The following RYR2 variants were observed in gnomAD, a reference collection of about 807,000 sequenced individuals.
The protein encoded by RYR2 is cardiac muscle ryanodine receptor-calcium release channel.
Under a neutral mutation model 601.1 loss-of-function variants are expected in RYR2, and 227 were observed. The ratio of observed to expected loss-of-function variants is 0.38; its 90% CI spans 0.34 to 0.42. The LOEUF (loss-of-function observed/expected upper bound fraction) is 0.42, where lower values mean the gene tolerates loss of function less well. Ranked by LOEUF, RYR2 falls within the 10% of genes least tolerant of loss-of-function variation. RYR2 has a pLI of 1.00. For missense variants in RYR2, 4,646 were observed against 6,156.5 expected (o/e 0.75, Z 8.21); for synonymous variants, 2,223 against 2,175.1 (o/e 1.02, Z -0.61).
intron 99 of RYR2, among the ~76,000 whole-genome samples, chr1:237,807,513 G>A (rs557125697): frequency 1.3e-3 from 191 of 152,160 alleles, no homozygotes; most frequent in African/African-American, 4.2e-3. Context: ...CACCATGCCC[G>A]GCTAATTTTT....
intron 25 of RYR2, among the ~76,000 whole-genome samples, chr1:237,541,589 G>T (rs1017457976): frequency 6.6e-6 from 1 of 152,024 alleles, no homozygotes; most frequent in African/African-American, 2.4e-5. Context: ...ATGCGCGTCC[G>T]TGTGAAGAGA....
At chr1:237,567,790 A>C (rs1476908048) in intron 28 of RYR2, among the ~76,000 whole-genome samples, 1 of 152,088 alleles carries the variant, frequency 6.6e-6, no homozygotes, top group African/African-American at 2.4e-5. Context: ...AATTAGAATA[A>C]ATAAGCAATC....
chr1:237,746,756 C>T (rs1425349971), intron 80 of RYR2, among the ~76,000 whole-genome samples: 3 of 151,412 alleles, frequency 2.0e-5, no homozygotes, highest in South Asian at 2.1e-4. Context: ...ATAAAGAGGC[C>T]GATGTTAATT....
At chr1:237,669,716 C>T (rs1684716530) in intron 58 of RYR2, among the ~76,000 whole-genome samples, 1 of 151,670 alleles carries the variant, frequency 6.6e-6, no homozygotes. Flanking sequence ...ACGCTCCTCA[C>T]TTCCTAGATG....
intron 29 of RYR2, among the ~76,000 whole-genome samples, chr1:237,581,088 A>G (rs1274198888): frequency 6.6e-6 from 1 of 152,350 alleles, no homozygotes; most frequent in Non-Finnish European, 1.5e-5. Flanking sequence ...GAACAGCCTT[A>G]TATTATCAGT....
At chr1:237,392,156 G>A (rs1418614494) in intron 10 of RYR2, among the ~76,000 whole-genome samples, 1 of 152,128 alleles carries the variant, frequency 6.6e-6, no homozygotes, top group African/African-American at 2.4e-5. Flanking sequence ...CAATTAGTGA[G>A]ATAGAATGAG....
At chr1:237,802,362 G>GA in intron 98 of RYR2, 1 of 152,068 alleles carries the variant, frequency 6.6e-6, no homozygotes, top group East Asian at 1.9e-4. Flanking sequence ...ATATAGGGCC[G>GA]TAATATATAT....
chr1:237,270,196 A>G, intron 1 of RYR2: 1 of 471,964 alleles, frequency 2.1e-6, no homozygotes, highest in South Asian at 1.7e-5. Context: ...AAAATCCTGT[A>G]TTTTACTTTT....
At chr1:237,139,072 CT>C (rs1421301466) in intron 1 of RYR2, among the ~76,000 whole-genome samples, 1 of 152,178 alleles carries the variant, frequency 6.6e-6, no homozygotes, top group Non-Finnish European at 1.5e-5. Context: ...CACACAAAAA[CT>C]TGCTCATGAA....
At chr1:237,197,470 T>A (rs1036418577) in intron 1 of RYR2, among the ~76,000 whole-genome samples, 1 of 152,240 alleles carries the variant, frequency 6.6e-6, no homozygotes, top group Non-Finnish European at 1.5e-5. Context: ...TGTAATCATG[T>A]AATATTCAGA....
At chr1:237,620,231 A>C (rs1387673434) in intron 38 of RYR2, among the ~76,000 whole-genome samples, 1 of 152,162 alleles carries the variant, frequency 6.6e-6, no homozygotes, top group African/African-American at 2.4e-5. Context: ...ACTGAAGTCT[A>C]CTGGTGTTGA....
chr1:237,671,553 G>A (rs897851279), intron 58 of RYR2, among the ~76,000 whole-genome samples: 1 of 151,800 alleles, frequency 6.6e-6, no homozygotes, highest in Non-Finnish European at 1.5e-5. Flanking sequence ...GTGAGAGAGA[G>A]AGAAATAGAA....
At chr1:237,801,435 G>A (rs568091502) in intron 97 of RYR2, among the ~76,000 whole-genome samples, 71 of 151,352 alleles carry the variant, frequency 4.7e-4, no homozygotes, top group South Asian at 3.6e-3. Flanking sequence ...CCAGCTACTC[G>A]GGAGGCTGAG....
chr1:237,771,718 CT>C (rs1694288080), intron 85 of RYR2, among the ~76,000 whole-genome samples: 1 of 151,944 alleles, frequency 6.6e-6, no homozygotes, highest in African/African-American at 2.4e-5. Context: ...GGATAGCAAC[CT>C]TTTTTAGTCA....
At chr1:237,110,971 G>A (rs1669402504) in intron 1 of RYR2, among the ~76,000 whole-genome samples, 1 of 152,186 alleles carries the variant, frequency 6.6e-6, no homozygotes, top group Admixed American at 6.5e-5. Context: ...ACATTTTCAA[G>A]GTCAAGCACG....
intron 1 of RYR2, among the ~76,000 whole-genome samples, chr1:237,202,560 A>G (rs1681313636): frequency 6.6e-6 from 1 of 152,050 alleles, no homozygotes; most frequent in East Asian, 1.9e-4. Context: ...GGCATGCATC[A>G]CTGCACCCAG....
chr1:237,705,445 T>C, intron 67 of RYR2, 102 bp downstream of exon 67: 2 of 924,300 alleles, frequency 2.2e-6, no homozygotes, highest in Non-Finnish European at 3.2e-6. Flanking sequence ...CAGTTTACTA[T>C]ATCCAATCTT....
intron 1 of RYR2, among the ~76,000 whole-genome samples, chr1:237,171,432 T>C (rs943808985): frequency 6.6e-6 from 1 of 152,146 alleles, no homozygotes; most frequent in Non-Finnish European, 1.5e-5. Flanking sequence ...CCTGTCCTGT[T>C]GATGATCACC....
At chr1:237,103,167 T>C (rs905473529) in intron 1 of RYR2, among the ~76,000 whole-genome samples, 4 of 152,170 alleles carry the variant, frequency 2.6e-5, no homozygotes, top group Non-Finnish European at 5.9e-5. Flanking sequence ...CCATCCAAGA[T>C]AGATGTGTCC....
Sources: gnomAD v4.1 joint callset for allele counts (sites outside exome capture counted in the v4.1 genomes callset) on GRCh38, gnomAD v4.1.1 for gene constraint, MANE v1.5 for transcripts, NCBI Gene and HGNC (gene_info 2026-07-23, HGNC 2026-07-21) for gene names.